The following RNF170 variants were observed in gnomAD, a reference collection of about 807,000 sequenced individuals.
RNF170 encodes the protein E3 ubiquitin-protein ligase RNF170.
Under a neutral mutation model 32.7 loss-of-function variants are expected in RNF170, and 12 were observed. The ratio of observed to expected loss-of-function variants is 0.37; its 90% CI spans 0.24 to 0.60. RNF170 has a LOEUF of 0.60. Ranked by LOEUF, RNF170 falls within the 20% of genes least tolerant of loss-of-function variation. RNF170 has a pLI of 0.72. For synonymous variants in RNF170, 91 were observed against 103.6 expected (o/e 0.88, Z 0.74); for missense variants, 212 against 311.2 (o/e 0.68, Z 2.40).
At chr8:42,885,973 C>T (rs966232979) in intron 2 of RNF170, among the ~76,000 whole-genome samples, 2 of 152,088 alleles carry the variant, frequency 1.3e-5, no homozygotes, top group African/African-American at 4.8e-5. Context: ...CTGTAACCCC[C>T]CGATTTTGGG....
intron 2 of RNF170, among the ~76,000 whole-genome samples, chr8:42,874,614 C>T (rs1022385745): frequency 2.6e-5 from 4 of 151,410 alleles, no homozygotes; most frequent in Non-Finnish European, 4.4e-5. Context: ...TGGTGGCGGG[C>T]GCCTGTAATC....
At position 42,854,136 on chromosome 8, in the gene RNF170, C is replaced by G. The variant is rs1439910139; in HGVS notation, c.*2023G>C. Reference sequence around the variant, plus strand: ...TCTGTGATGTATGCCACCCTTTTACCTATTTGATTTGGAAGTGTAGAATTC... The same window carrying G: ...TCTGTGATGTATGCCACCCTTTTACGTATTTGATTTGGAAGTGTAGAATTC... On this transcript the variant is annotated 3_prime_UTR_variant, in exon 7 of 7. Coordinates refer to ENST00000527424, the MANE Select transcript of RNF170 (RefSeq NM_030954.4). 1.6e-6 allele frequency: 2 copies of G among 1,287,212 alleles called. No individual in the cohort carries two copies. Among genetic ancestry groups the G allele is most frequent in the Non-Finnish European group, 2.0e-6 (2 of 988,710 alleles). The allele number at this position is 1,287,212 out of a possible 1,614,324, so 79.7% of individuals were successfully genotyped here.
downstream of RNF170, chr8:42,850,611 A>T: frequency 1.4e-6 from 1 of 732,028 alleles, no homozygotes. Flanking sequence ...CTCTGTTTTC[A>T]TAGAGCTTGT....
chr8:42,885,304 TAGTGAACACCTAACTTG>T (rs1163617274), intron 2 of RNF170, among the ~76,000 whole-genome samples: 2 of 152,216 alleles, frequency 1.3e-5, no homozygotes, highest in Non-Finnish European at 2.9e-5. Flanking sequence ...ATTCATTCAC[TAGTGAACACCTAACTTG>T]ATTCCATATT....
chr8:42,859,367 G>C (rs1803486057), intron 6 of RNF170, among the ~76,000 whole-genome samples: 1 of 152,004 alleles, frequency 6.6e-6, no homozygotes, highest in African/African-American at 2.4e-5. Flanking sequence ...TGGGCACGGT[G>C]GCTCACACCT....
chr8:42,855,149 C>T lies in RNF170; in HGVS notation c.*1010G>A, dbSNP rs1214298508. The T allele has an allele frequency of 7.8e-7, 1 of 1,286,982 alleles. No homozygotes were observed. The highest frequency in any genetic ancestry group is 1.0e-6 in the Non-Finnish European group (1 of 988,648). 79.7% of individuals were successfully genotyped at this position (1,286,982 alleles called of 1,614,324 possible). On this transcript the variant is annotated 3_prime_UTR_variant, in exon 7 of 7. Transcript: ENST00000527424. ...TTCCCTTTACAAATTACTTTTATAT[C>T]TACTACGAAAGGATGAGCTCTTGTT...
In RNF170 at chr8:42,853,666, G is replaced by A. The variant is rs1252157866; in HGVS notation, c.*2493C>T. 18 of 1,286,078 alleles carry A rather than the reference G, an allele frequency of 1.4e-5. No individual in the cohort carries two copies. Among genetic ancestry groups the A allele is most frequent in the African/African-American group, 4.6e-5 (3 of 65,722 alleles). 79.7% of individuals were successfully genotyped at this position (1,286,078 alleles called of 1,614,324 possible). A position where few individuals can be genotyped will look rare whatever the true frequency, so the allele number is the denominator to read the frequency against. ...TTTATATGATCTAACTCTGAATCAC[G>A]GAAGTATTACTATGATGTTCAAAAC... On this transcript the variant is annotated 3_prime_UTR_variant, in exon 7 of 7. Coordinates refer to ENST00000527424, the MANE Select transcript of RNF170 (RefSeq NM_030954.4).
chr8:42,887,037 A>G (rs1455492132), intron 2 of RNF170, among the ~76,000 whole-genome samples: 2 of 152,138 alleles, frequency 1.3e-5, no homozygotes, highest in Non-Finnish European at 2.9e-5. Flanking sequence ...TCAAGCCTGT[A>G]ATCCCAGCAC....
At chr8:42,872,329 T>G (rs1804583657) in intron 3 of RNF170, among the ~76,000 whole-genome samples, 1 of 152,224 alleles carries the variant, frequency 6.6e-6, no homozygotes, top group African/African-American at 2.4e-5. Context: ...TACTTATGTC[T>G]AAAGATTAAA....
downstream of RNF170, among the ~76,000 whole-genome samples, chr8:42,851,612 A>G (rs1047924557): frequency 6.6e-6 from 1 of 151,856 alleles, no homozygotes; most frequent in Non-Finnish European, 1.5e-5. Context: ...AGAAGGATTC[A>G]GATATTAACA....
intron 2 of RNF170, among the ~76,000 whole-genome samples, chr8:42,877,247 T>A (rs1805023215): frequency 6.8e-6 from 1 of 146,734 alleles, no homozygotes; most frequent in Non-Finnish European, 1.5e-5. Flanking sequence ...TTGAGACAGA[T>A]CTCACTCTGT....
At chr8:42,896,971 A>T, upstream of RNF170, 1 of 436,930 alleles carries the variant, frequency 2.3e-6, no homozygotes, top group Non-Finnish European at 3.8e-6. Flanking sequence ...GCTGGGGGTG[A>T]CGGTGCGGAG....
rs774484371 is a variant in RNF170, at chr8:42,853,649, A to C, written c.*2510T>G. On this transcript the variant is annotated 3_prime_UTR_variant, in exon 7 of 7. Transcript: ENST00000527424. ...CCAAATTGTTACTTTGATTTATATG[A>C]TCTAACTCTGAATCACGGAAGTATT... The C allele has an allele frequency of 1.6e-5, 20 of 1,286,058 alleles. No homozygotes were observed. Among genetic ancestry groups the C allele is most frequent in the Non-Finnish European group, 1.7e-5 (17 of 988,040 alleles). The allele number at this position is 1,286,058 out of a possible 1,614,324, so 79.7% of individuals were successfully genotyped here.
intron 2 of RNF170, among the ~76,000 whole-genome samples, chr8:42,878,780 T>C (rs1170580661): frequency 1.3e-5 from 2 of 152,230 alleles, no homozygotes; most frequent in African/African-American, 4.8e-5. Context: ...AGGACTTTCA[T>C]AGCTAGAGAG....
intron 5 of RNF170, among the ~76,000 whole-genome samples, chr8:42,863,419 A>G (rs1563662396): frequency 6.6e-6 from 1 of 152,198 alleles, no homozygotes; most frequent in East Asian, 1.9e-4. Flanking sequence ...GCCAAGAAGT[A>G]GTACGGGCAA....
At chr8:42,896,127 G>A (rs1387335329) in intron 1 of RNF170, 2 of 212,032 alleles carry the variant, frequency 9.4e-6, no homozygotes. Flanking sequence ...GCAGGCCCGG[G>A]GTCGGCCGGT....
At chr8:42,851,232 T>C (rs1157428950), downstream of RNF170, among the ~76,000 whole-genome samples, 1 of 151,858 alleles carries the variant, frequency 6.6e-6, no homozygotes, top group Admixed American at 6.6e-5. Flanking sequence ...ATGTCAATGG[T>C]AGAAATGCCA....
chr8:42,893,917 C>A (rs938901235), intron 1 of RNF170, among the ~76,000 whole-genome samples: 1 of 152,096 alleles, frequency 6.6e-6, no homozygotes, highest in Non-Finnish European at 1.5e-5. Flanking sequence ...TCCAACTAAC[C>A]GGAGTAACCA....
rs565203171 is a variant in RNF170, at chr8:42,874,841, C to T, written c.138-835G>A. Among the ~76,000 whole-genome samples, 11 of 152,052 alleles carry T rather than the reference C, an allele frequency of 7.2e-5. No homozygotes were observed. The South Asian group carries it at 2.1e-3, about 29-fold the overall frequency. On this transcript the variant is annotated intron_variant, in intron 2 of 6. Coordinates refer to ENST00000527424, the MANE Select transcript of RNF170 (RefSeq NM_030954.4). ...TGAATCAAAGGCAAGCGGTTAGTGG[C>T]TAATATAAATGGATGGGATAAAACA... is the stretch of plus-strand genomic sequence containing the variant.
Sources: allele counts gnomAD v4.1 joint callset (sites outside exome capture counted in the v4.1 genomes callset), GRCh38; gene constraint gnomAD v4.1.1; transcripts MANE v1.5; gene names NCBI Gene and HGNC (gene_info 2026-07-23, HGNC 2026-07-21).